Variants in NFIB observed in about 807,000 individuals in gnomAD.
NFIB encodes nuclear factor 1 B-type.
Under a neutral mutation model 61.5 loss-of-function variants are expected in NFIB, and 11 were observed. That is an observed-to-expected ratio of 0.18 (90% CI 0.11 to 0.30). The LOEUF is 0.30. NFIB is among the 10% of genes least tolerant of loss of function. NFIB has a pLI of 1.00. For synonymous variants in NFIB, 260 were observed against 216.5 expected (o/e 1.20, Z -1.76); for missense variants, 471 against 608.9 (o/e 0.77, Z 2.38).
rs1186517747 is a variant in NFIB, at chr9:14,082,473, T to G, written c.*5836A>C. 4.9e-6 allele frequency: 1 copy of G among 204,636 alleles called. No homozygotes were observed. Among genetic ancestry groups the G allele is most frequent in the Non-Finnish European group, 1.0e-5 (1 of 99,580 alleles). The allele number at this position is 204,636 out of a possible 1,614,324, so 12.7% of individuals were successfully genotyped here. ...ATATAAGCACAAATTAACAGCTTGA[T>G]GAAGACATAATCTACTGCAGCTTTG... On this transcript the variant is annotated 3_prime_UTR_variant, in exon 11 of 11. Transcript: ENST00000380953.
chr9:14,132,716 C>T lies in NFIB; in HGVS notation c.926-6950G>A, dbSNP rs7043773. ...CCAAGTAGCTAGGACTATGGGCACA[C>T]GATCACACCCAGCTAATTTGTAAAT... On this transcript the variant is annotated intron_variant, in intron 6 of 10. Transcript: ENST00000380953. Among the ~76,000 whole-genome samples, 1,420 of 152,120 alleles carry T rather than the reference C, an allele frequency of 9.3e-3. 27 individuals carry two copies. Among genetic ancestry groups the T allele is most frequent in the African/African-American group, 0.033 (1,352 of 41,516 alleles).
chr9:14,486,556 G>A, the NFIB span, among the ~76,000 whole-genome samples: 3 of 152,162 alleles, frequency 2.0e-5, no homozygotes, highest in Non-Finnish European at 2.9e-5. Flanking sequence ...GACTGGTAGG[G>A]GGAAGAGCTG....
At chr9:14,499,146 A>T in the NFIB span, among the ~76,000 whole-genome samples, 1 of 151,984 alleles carries the variant, frequency 6.6e-6, no homozygotes, top group Non-Finnish European at 1.5e-5. Context: ...TTTCAGAACC[A>T]CCATTTATGC....
chr9:14,402,447 T>C (rs7873382), upstream of NFIB, among the ~76,000 whole-genome samples: 54,971 of 152,030 alleles, frequency 0.36, 12,057 homozygotes, highest in African/African-American at 0.62. Flanking sequence ...GTCCTTTTTT[T>C]AATTATGAGG....
rs140676079 is a variant in NFIB at position 14,295,889 on chromosome 9, T to C, written c.562+11100A>G. Among the ~76,000 whole-genome samples, 9 of 152,340 alleles carry C rather than the reference T, an allele frequency of 5.9e-5. No individual in the cohort carries two copies. In the East Asian group the frequency reaches 1.7e-3, roughly 29 times the overall value. The stretch of plus-strand genomic sequence containing the variant: ...TAATAAAATTATTTGATTCCTTCCC[T>C]TCAAATATACCTAGATTGATCAATA... On this transcript the variant is annotated intron_variant, in intron 2 of 10. Transcript: ENST00000380953.
At chr9:14,476,648 T>G in the NFIB span, among the ~76,000 whole-genome samples, 1 of 152,134 alleles carries the variant, frequency 6.6e-6, no homozygotes, top group African/African-American at 2.4e-5. Flanking sequence ...ATATTAACAT[T>G]ACAAGGGAAT....
chr9:14,282,577 G>A (rs921131556), intron 2 of NFIB, among the ~76,000 whole-genome samples: 18 of 152,136 alleles, frequency 1.2e-4, no homozygotes, highest in African/African-American at 4.3e-4. Context: ...AGTGTGCTAA[G>A]GTCATTAAAA....
At chr9:14,174,623 C>T (rs1160292936) in intron 3 of NFIB, among the ~76,000 whole-genome samples, 3 of 151,846 alleles carry the variant, frequency 2.0e-5, no homozygotes, top group Non-Finnish European at 1.5e-5. Context: ...AAAAATTAGC[C>T]AGGCACGGTA....
chr9:14,132,048 C>A (rs1401761992), intron 6 of NFIB, among the ~76,000 whole-genome samples: 1 of 152,084 alleles, frequency 6.6e-6, no homozygotes, highest in Non-Finnish European at 1.5e-5. Flanking sequence ...TTGAAAAATT[C>A]CTTTTCTTCC....
At chr9:14,482,968 C>T in the NFIB span, among the ~76,000 whole-genome samples, 72 of 152,132 alleles carry the variant, frequency 4.7e-4, no homozygotes, top group African/African-American at 1.4e-3. Context: ...GGAAGAGAAA[C>T]AAAATCAATA....
chr9:14,369,988 T>A (rs2061340912), intron 1 of NFIB, among the ~76,000 whole-genome samples: 1 of 152,246 alleles, frequency 6.6e-6, no homozygotes, highest in South Asian at 2.1e-4. Flanking sequence ...TGTGTATGAC[T>A]ATACTTAAAA....
chr9:14,281,327 A>G (rs1489689286), intron 2 of NFIB, among the ~76,000 whole-genome samples: 1 of 152,204 alleles, frequency 6.6e-6, no homozygotes, highest in Non-Finnish European at 1.5e-5. Context: ...AAGAAAGTGA[A>G]AGGAGAACTA....
At chr9:14,516,577 C>G in the NFIB span, among the ~76,000 whole-genome samples, 1 of 152,180 alleles carries the variant, frequency 6.6e-6, no homozygotes, top group Non-Finnish European at 1.5e-5. Context: ...TTGAATCAAG[C>G]AAAAGCAAGT....
intron 2 of NFIB, among the ~76,000 whole-genome samples, chr9:14,248,559 C>T (rs2132108055): frequency 6.6e-6 from 1 of 152,316 alleles, no homozygotes; most frequent in African/African-American, 2.4e-5. Flanking sequence ...GCATGAGCCA[C>T]CACGCCCGGC....
the NFIB span, among the ~76,000 whole-genome samples, chr9:14,528,122 A>G: frequency 1.9e-3 from 294 of 152,298 alleles, 1 homozygote; most frequent in African/African-American, 6.4e-3. Flanking sequence ...TTTCACTTCA[A>G]CTTCTCAAAG....
intron 3 of NFIB, among the ~76,000 whole-genome samples, chr9:14,162,953 A>G (rs1362542506): frequency 1.3e-5 from 2 of 152,052 alleles, no homozygotes; most frequent in Non-Finnish European, 2.9e-5. Context: ...CCTCTCTCCA[A>G]CGGTGTTAAA....
chr9:14,138,079 G>C (rs2041273851), intron 6 of NFIB, among the ~76,000 whole-genome samples: 2 of 152,194 alleles, frequency 1.3e-5, no homozygotes, highest in South Asian at 2.1e-4. Context: ...AGAGAGCCAG[G>C]GGTTCCCATT....
At chr9:14,426,642 C>T in the NFIB span, among the ~76,000 whole-genome samples, 5 of 152,198 alleles carry the variant, frequency 3.3e-5, no homozygotes, top group African/African-American at 1.2e-4. Context: ...ATCAAGCCTA[C>T]CAAACTTCTG....
At chr9:14,465,293 G>A in the NFIB span, among the ~76,000 whole-genome samples, 6 of 152,258 alleles carry the variant, frequency 3.9e-5, no homozygotes, top group African/African-American at 1.4e-4. Context: ...AAGAAGGACT[G>A]GGAAACGTGA....
Sources: gnomAD v4.1 joint callset for allele counts (sites outside exome capture counted in the v4.1 genomes callset) on GRCh38, gnomAD v4.1.1 for gene constraint, MANE v1.5 for transcripts, NCBI Gene and HGNC (gene_info 2026-07-23, HGNC 2026-07-21) for gene names.